HDAC9: variants seen among roughly 807,000 people sequenced by gnomAD.
The protein encoded by HDAC9 is MEF-2 interacting transcription repressor (MITR) protein.
A neutral mutation model predicts 139.4 loss-of-function variants in HDAC9; 41 were observed. The ratio of observed to expected loss-of-function variants is 0.29; its 90% CI spans 0.23 to 0.38. HDAC9 has a LOEUF of 0.38. HDAC9 is among the 10% of genes least tolerant of loss of function. The probability of loss-of-function intolerance (pLI) is 1.00; values close to 1 mark genes in which losing one functional copy is unlikely to be tolerated. For synonymous variants in HDAC9, 517 were observed against 476.2 expected, an observed-to-expected ratio of 1.09 and a Z score of -1.12; for missense variants, 1,147 against 1,297.0, an observed-to-expected ratio of 0.88 and a Z score of 1.78.
chr7:18,705,347 A>G (rs1783804517), intron 12 of HDAC9, among the ~76,000 whole-genome samples: 2 of 152,068 alleles, frequency 1.3e-5, no homozygotes, highest in Non-Finnish European at 2.9e-5. Flanking sequence ...ACACCCATTG[A>G]GATAATGAGA....
intron 2 of HDAC9, among the ~76,000 whole-genome samples, chr7:18,233,774 T>C (rs1793634647): frequency 1.3e-5 from 2 of 152,214 alleles, no homozygotes. Flanking sequence ...CTGTCCTGAC[T>C]TGTTGCCAGC....
chr7:18,829,669 CT>C (rs915445211), intron 19 of HDAC9, 121 bp downstream of exon 19: 10 of 631,378 alleles, frequency 1.6e-5, no homozygotes, highest in Non-Finnish European at 2.8e-5. Flanking sequence ...GTGTGTTTTC[CT>C]TTGAATGTGG....
rs1290886584 is a variant in HDAC9 at position 18,786,804 on chromosome 7, CTTCCTTCCTTCCTTCA to C, written c.2215-6509_2215-6494del. Among the ~76,000 whole-genome samples, 8 of 75,002 alleles carry C rather than the reference CTTCCTTCCTTCCTTCA, an allele frequency of 1.1e-4. 1 individual carries two copies. Among genetic ancestry groups the C allele is most frequent in the Admixed American group, 3.9e-4 (3 of 7,772 alleles). The allele number at this position is 75,002 out of a possible 152,430, so 49.2% of individuals were successfully genotyped here. On this transcript the variant is annotated intron_variant, in intron 16 of 25. Transcript: ENST00000686413. ...TTTTCTTTCTTTCTTTCTTTCCTTC[CTTCCTTCCTTCCTTCA>C]TTCCTTCCTTCCTTCATTCCTTCCT...
At chr7:18,840,120 A>G (rs894340126) in intron 21 of HDAC9, among the ~76,000 whole-genome samples, 20 of 152,202 alleles carry the variant, frequency 1.3e-4, no homozygotes, top group African/African-American at 4.8e-4. Context: ...TAATTTCAAG[A>G]AAAGAAATAT....
At chr7:18,648,744 C>T in intron 11 of HDAC9, 61 bp downstream of exon 11, 2 of 1,356,458 alleles carry the variant, frequency 1.5e-6, no homozygotes, top group Non-Finnish European at 2.1e-6. Context: ...GGTATCTCTT[C>T]ACTGATATGG....
chr7:18,089,411 G>A (rs2128056295), intron 1 of HDAC9, among the ~76,000 whole-genome samples: 1 of 152,076 alleles, frequency 6.6e-6, no homozygotes, highest in South Asian at 2.1e-4. Flanking sequence ...GTGATTGTTT[G>A]GTGACCAAAT....
intron 22 of HDAC9, chr7:18,899,489 G>C (rs1801502151): frequency 6.6e-6 from 1 of 151,938 alleles, no homozygotes; most frequent in Non-Finnish European, 1.5e-5. Context: ...CCAATAGTAA[G>C]TTTCAACTAT....
chr7:18,304,773 A>G (rs535713712), intron 1 of HDAC9, among the ~76,000 whole-genome samples: 2 of 152,312 alleles, frequency 1.3e-5, no homozygotes, highest in African/African-American at 2.4e-5. Flanking sequence ...ATTTTTACGT[A>G]TTCCAAGACT....
intron 16 of HDAC9, among the ~76,000 whole-genome samples, chr7:18,772,960 T>C (rs938409148): frequency 8.5e-5 from 13 of 152,242 alleles, no homozygotes; most frequent in African/African-American, 3.1e-4. Context: ...ATAATAGTTG[T>C]TGGGATGTAG....
intron 2 of HDAC9, among the ~76,000 whole-genome samples, chr7:18,270,973 T>C (rs1311193502): frequency 6.6e-6 from 1 of 152,218 alleles, no homozygotes; most frequent in African/African-American, 2.4e-5. Flanking sequence ...AATTTAGCAT[T>C]AAAATTGATT....
intron 1 of HDAC9, among the ~76,000 whole-genome samples, chr7:18,312,179 G>T (rs1376864747): frequency 3.3e-5 from 5 of 152,164 alleles, no homozygotes; most frequent in Admixed American, 2.0e-4. Flanking sequence ...TTTTAAATGT[G>T]ATTTAAAAAT....
chr7:18,958,469 G>A (rs1783310921), intron 24 of HDAC9, among the ~76,000 whole-genome samples: 1 of 152,166 alleles, frequency 6.6e-6, no homozygotes, highest in African/African-American at 2.4e-5. Context: ...CAACCTGAGT[G>A]TCCATCAGTG....
intron 6 of HDAC9, among the ~76,000 whole-genome samples, chr7:18,628,189 A>G (rs1842196630): frequency 6.6e-6 from 1 of 152,168 alleles, no homozygotes. Context: ...ATACATAAGG[A>G]AAGCTGGAAG....
chr7:18,377,834 G>T (rs532963154), intron 1 of HDAC9, among the ~76,000 whole-genome samples: 2 of 152,176 alleles, frequency 1.3e-5, no homozygotes, highest in Admixed American at 1.3e-4. Flanking sequence ...TCCATACAAA[G>T]ATAAGAATTT....
intron 8 of HDAC9, among the ~76,000 whole-genome samples, chr7:18,638,089 A>C (rs534103027): frequency 1.3e-5 from 2 of 152,190 alleles, no homozygotes; most frequent in African/African-American, 4.8e-5. Flanking sequence ...ATGGTTGCAT[A>C]CTTTACCGTT....
chr7:18,395,953 T>A (rs1786989438), intron 1 of HDAC9, among the ~76,000 whole-genome samples: 2 of 152,132 alleles, frequency 1.3e-5, no homozygotes, highest in Admixed American at 1.3e-4. Flanking sequence ...TTAAATTATG[T>A]TTTGATAAAT....
At chr7:18,095,015 A>C (rs374934510) in intron 1 of HDAC9, among the ~76,000 whole-genome samples, 3 of 152,204 alleles carry the variant, frequency 2.0e-5, no homozygotes, top group African/African-American at 7.2e-5. Flanking sequence ...TTATGTGAGC[A>C]ATGAATTATC....
chr7:18,629,539 TTTAGAATAAA>T (rs1781697491), intron 7 of HDAC9, 58 bp downstream of exon 7: 1 of 1,499,882 alleles, frequency 6.7e-7, no homozygotes. Context: ...AAAAAAATAG[TTTAGAATAAA>T]TATACCTGCT....
chr7:18,401,826 G>A (rs1268093259), intron 1 of HDAC9, among the ~76,000 whole-genome samples: 1 of 151,922 alleles, frequency 6.6e-6, no homozygotes, highest in Non-Finnish European at 1.5e-5. Flanking sequence ...TTTTATACAG[G>A]CAGTTTCTCT....
Sources: allele counts gnomAD v4.1 joint callset (sites outside exome capture counted in the v4.1 genomes callset), GRCh38; gene constraint gnomAD v4.1.1; transcripts MANE v1.5; gene names NCBI Gene and HGNC (gene_info 2026-07-23, HGNC 2026-07-21).